PPP1R1C: variants seen among roughly 807,000 people sequenced by gnomAD.
PPP1R1C encodes the protein protein phosphatase 1 regulatory subunit 1C.
A neutral mutation model predicts 17.4 loss-of-function variants in PPP1R1C; 15 were observed. That is an observed-to-expected ratio of 0.86 (90% CI 0.58 to 1.33). PPP1R1C has a LOEUF of 1.33. Ranked by LOEUF, PPP1R1C falls within the 40% of genes most tolerant of loss-of-function variation. PPP1R1C has a pLI of 0.00. For missense variants in PPP1R1C, 143 were observed against 130.0 expected (o/e 1.10, Z -0.48); for synonymous variants, 35 against 43.1 (o/e 0.81, Z 0.73).
chr2:182,079,757 T>C (rs903991810), intron 4 of PPP1R1C, among the ~76,000 whole-genome samples: 1 of 152,208 alleles, frequency 6.6e-6, no homozygotes, highest in Non-Finnish European at 1.5e-5. Flanking sequence ...CACTGAAGGC[T>C]GTAGGGAAGA....
intron 2 of PPP1R1C, among the ~76,000 whole-genome samples, chr2:182,042,119 G>A (rs1687203307): frequency 6.6e-6 from 1 of 152,072 alleles, no homozygotes; most frequent in Non-Finnish European, 1.5e-5. Flanking sequence ...GAATTATGTA[G>A]TTGTATTCAC....
chr2:182,064,709 T>C (rs950537858), intron 4 of PPP1R1C, among the ~76,000 whole-genome samples: 1 of 152,114 alleles, frequency 6.6e-6, no homozygotes, highest in Non-Finnish European at 1.5e-5. Context: ...AACACCATGT[T>C]TGCTTGTTCA....
rs574262078 is a variant in PPP1R1C at position 182,090,843 on chromosome 2, C to T, written c.242-26364C>T. Among the ~76,000 whole-genome samples, 8 of 152,300 alleles carry T rather than the reference C, an allele frequency of 5.3e-5. No homozygotes were observed. The East Asian group carries it at 1.5e-3, about 29-fold the overall frequency. On this transcript the variant is annotated intron_variant, in intron 4 of 4. Transcript: ENST00000682840. ...ACCAAATTCTCCATTTACACATGTA[C>T]AGTCTTCACAGTTGAATGAGAATAT...
At chr2:182,061,290 C>T (rs1011608660) in intron 2 of PPP1R1C, among the ~76,000 whole-genome samples, 152 bp from the exon 3 acceptor site, 1 of 152,020 alleles carries the variant, frequency 6.6e-6, no homozygotes, top group Non-Finnish European at 1.5e-5. Flanking sequence ...AAACCACCCA[C>T]CTCTGTCCTC....
chr2:181,964,124 A>G (rs1684861824), intron 1 of PPP1R1C, among the ~76,000 whole-genome samples: 1 of 152,200 alleles, frequency 6.6e-6, no homozygotes, highest in Admixed American at 6.5e-5. Flanking sequence ...TACACGTCCC[A>G]GCCTCTTGTA....
At chr2:182,014,105 G>A (rs553568278) in intron 2 of PPP1R1C, among the ~76,000 whole-genome samples, 33 of 152,202 alleles carry the variant, frequency 2.2e-4, no homozygotes, top group African/African-American at 7.0e-4. Context: ...CATATTCTTC[G>A]ATTTTGGGGC....
intron 4 of PPP1R1C, among the ~76,000 whole-genome samples, chr2:182,109,856 A>G (rs572668634): frequency 1.3e-5 from 2 of 152,312 alleles, no homozygotes; most frequent in African/African-American, 4.8e-5. Flanking sequence ...CATGTTCACA[A>G]ATTATCTCGT....
At chr2:182,006,294 C>G (rs1287254703) in intron 2 of PPP1R1C, among the ~76,000 whole-genome samples, 2 of 152,152 alleles carry the variant, frequency 1.3e-5, no homozygotes, top group Non-Finnish European at 2.9e-5. Context: ...AAGACATACA[C>G]TTTGATCTTC....
chr2:182,069,606 T>TA (rs1472926137), intron 4 of PPP1R1C, among the ~76,000 whole-genome samples: 1 of 152,196 alleles, frequency 6.6e-6, no homozygotes, highest in African/African-American at 2.4e-5. Flanking sequence ...ATTGCAAATT[T>TA]AAAACAGAGT....
intron 2 of PPP1R1C, among the ~76,000 whole-genome samples, chr2:182,046,509 C>T (rs142283393): frequency 6.0e-5 from 9 of 149,828 alleles, no homozygotes; most frequent in African/African-American, 2.2e-4. Context: ...AGGCAGATCA[C>T]AAGGTCAAGA....
intron 2 of PPP1R1C, among the ~76,000 whole-genome samples, chr2:182,000,229 G>A (rs1685722468): frequency 1.3e-5 from 2 of 152,208 alleles, no homozygotes; most frequent in South Asian, 4.1e-4. Context: ...TGCTGGGAGA[G>A]TAAATGAGAG....
At chr2:182,054,430 T>C (rs1331156632) in intron 2 of PPP1R1C, among the ~76,000 whole-genome samples, 1 of 152,184 alleles carries the variant, frequency 6.6e-6, no homozygotes, top group Non-Finnish European at 1.5e-5. Flanking sequence ...TACTACTTTA[T>C]ATTTATACTC....
chr2:182,091,922 T>G (rs753388240), intron 4 of PPP1R1C, among the ~76,000 whole-genome samples: 1 of 152,192 alleles, frequency 6.6e-6, no homozygotes, highest in Non-Finnish European at 1.5e-5. Flanking sequence ...CTTTGTCTTT[T>G]GTTCTTTCTT....
At chr2:181,965,430 G>A (rs1684889228) in intron 1 of PPP1R1C, among the ~76,000 whole-genome samples, 1 of 152,102 alleles carries the variant, frequency 6.6e-6, no homozygotes, top group Admixed American at 6.5e-5. Flanking sequence ...CATAGTTTGG[G>A]GTTCTTGATT....
intron 2 of PPP1R1C, among the ~76,000 whole-genome samples, chr2:182,023,147 T>C (rs1686481788): frequency 6.6e-6 from 1 of 152,086 alleles, no homozygotes; most frequent in African/African-American, 2.4e-5. Flanking sequence ...AAAATTATCA[T>C]GCAAGAAACA....
rs1001146532 is a variant in PPP1R1C at position 181,962,528 on chromosome 2, G to A, written n.111+7894G>A. The stretch of plus-strand genomic sequence containing the variant: ...GACAGGACTCAGGCTTTGCCGACCC[G>A]TCATAGCAGTTTTCTAAGGAACCTG... On this transcript the variant is annotated intron_variant and non_coding_transcript_variant, in intron 1 of 5. Coordinates refer to the PPP1R1C transcript ENST00000464264. This position sits in a 1 kb window ranked among gnomAD's most constrained non-coding sequence, Gnocchi z 6.0. 17 of 606,508 alleles carry A rather than the reference G, an allele frequency of 2.8e-5. No homozygotes were observed. The highest frequency in any genetic ancestry group is 1.9e-4 in the Admixed American group (8 of 42,736). 37.6% of individuals were successfully genotyped at this position (606,508 alleles called of 1,614,324 possible).
Position 181,992,747 on chromosome 2 carries a change from G to A in PPP1R1C, c.142+4848G>A, listed in dbSNP as rs1216985308. ...ATCACAGCCAAATTTTGGGGAAATC[G>A]ACTTTATCTTTGACCCTTTTAGTGT... On this transcript the variant is annotated intron_variant, in intron 2 of 4. Coordinates refer to ENST00000682840, the MANE Select transcript of PPP1R1C (RefSeq NM_001080545.3). Among the ~76,000 whole-genome samples the A allele has an allele frequency of 5.2e-5, 7 of 133,766 alleles. 1 individual carries two copies. The highest frequency in any genetic ancestry group is 1.7e-4 in the African/African-American group (6 of 35,594). 87.8% of individuals were successfully genotyped at this position (133,766 alleles called of 152,430 possible).
intron 5 of PPP1R1C, among the ~76,000 whole-genome samples, chr2:182,125,625 G>A (rs773432319): frequency 1.7e-4 from 26 of 152,206 alleles, no homozygotes; most frequent in Admixed American, 1.4e-3. Flanking sequence ...TTAGTCTTGG[G>A]AGAGTGTATA....
chr2:182,060,616 A>G (rs1277843123), intron 2 of PPP1R1C, among the ~76,000 whole-genome samples: 1 of 151,966 alleles, frequency 6.6e-6, no homozygotes, highest in Admixed American at 6.6e-5. Flanking sequence ...TTTCACTTAT[A>G]TAGCATGTAT....
Sources: gnomAD v4.1 joint callset for allele counts (sites outside exome capture counted in the v4.1 genomes callset) on GRCh38, gnomAD v4.1.1 for gene constraint, Gnocchi (gnomAD v3.1) non-coding constraint, MANE v1.5 for transcripts, NCBI Gene and HGNC (gene_info 2026-07-23, HGNC 2026-07-21) for gene names.